ST7: variants seen among roughly 807,000 people sequenced by gnomAD.
The protein encoded by ST7 is suppressor of tumorigenicity 7 protein.
Under a neutral mutation model 78.7 loss-of-function variants are expected in ST7, and 28 were observed. The observed-to-expected ratio is 0.36, with a 90% confidence interval of 0.26 to 0.49. ST7 has a LOEUF of 0.49. Among genes scored for constraint, ST7 ranks in the 20% least tolerant of loss-of-function variants. The probability of loss-of-function intolerance (pLI) is 0.99; values close to 1 mark genes in which losing one functional copy is unlikely to be tolerated. For missense variants in ST7, 418 were observed against 696.0 expected (o/e 0.60, Z 4.49); for synonymous variants, 247 against 249.6 (o/e 0.99, Z 0.10).
chr7:117,044,566 G>T (rs1159611606), intron 1 of ST7, among the ~76,000 whole-genome samples: 2 of 152,042 alleles, frequency 1.3e-5, no homozygotes, highest in African/African-American at 4.8e-5. Context: ...GTCCAGGCTG[G>T]TCTCGAACTC....
chr7:117,180,235 T>C (rs940880011), intron 10 of ST7, among the ~76,000 whole-genome samples: 3 of 152,188 alleles, frequency 2.0e-5, no homozygotes, highest in African/African-American at 7.2e-5. Flanking sequence ...TCAGGACCTA[T>C]GTAGCCCATC....
chr7:117,067,313 G>A (rs1392116510), intron 1 of ST7, among the ~76,000 whole-genome samples: 1 of 151,882 alleles, frequency 6.6e-6, no homozygotes, highest in African/African-American at 2.4e-5. Context: ...TTGAAGAACT[G>A]CTGAACTGTT....
intron 1 of ST7, among the ~76,000 whole-genome samples, chr7:117,029,642 G>A (rs1222580227): frequency 1.3e-5 from 2 of 151,882 alleles, no homozygotes; most frequent in African/African-American, 4.8e-5. Flanking sequence ...TTATTGTCAC[G>A]AATATTTTTC....
intron 1 of ST7, among the ~76,000 whole-genome samples, chr7:117,030,057 A>G (rs892386075): frequency 1.5e-4 from 23 of 152,226 alleles, no homozygotes; most frequent in Admixed American, 6.5e-5. Context: ...ATTTCTAAAA[A>G]AAGACCTGGG....
intron 1 of ST7, among the ~76,000 whole-genome samples, chr7:117,099,073 A>AAAAAAAAAAAT (rs1563080257): frequency 6.7e-6 from 1 of 149,798 alleles, no homozygotes; most frequent in Non-Finnish European, 1.5e-5. Context: ...AAACAAAAAA[A>AAAAAAAAAAAT]AAAGAAGAAG....
At chr7:117,115,474 C>A (rs535083187) in intron 2 of ST7, among the ~76,000 whole-genome samples, 98 of 151,958 alleles carry the variant, frequency 6.4e-4, no homozygotes, top group Non-Finnish European at 1.2e-3. Flanking sequence ...GCTGCCTCAG[C>A]CACCCGAGTA....
Position 117,208,089 on chromosome 7 carries a change from TTTA to T in ST7, c.1255-1696_1255-1694del, listed in dbSNP as rs1329901334. Reference sequence around the variant, plus strand: ...ATCCACCATAATATAAATATAATTATTTATATTATGGCTGATATTCATTATAAA... The same window carrying T: ...ATCCACCATAATATAAATATAATTATTATTATGGCTGATATTCATTATAAA... On this transcript the variant is annotated intron_variant, in intron 12 of 15. Coordinates refer to ENST00000323984, the MANE Select transcript of ST7 (RefSeq NM_001369598.1). Among the ~76,000 whole-genome samples, 3 of 152,126 alleles carry T rather than the reference TTTA, an allele frequency of 2.0e-5. No homozygotes were observed. In the East Asian group the frequency reaches 5.8e-4, roughly 29 times the overall value.
At chr7:116,997,288 T>C (rs1012720545) in intron 1 of ST7, among the ~76,000 whole-genome samples, 1 of 152,218 alleles carries the variant, frequency 6.6e-6, no homozygotes, top group Non-Finnish European at 1.5e-5. Flanking sequence ...TTGCCACTGC[T>C]GGCTCGGGCA....
intron 1 of ST7, among the ~76,000 whole-genome samples, chr7:117,041,475 G>T (rs1797226281): frequency 6.6e-6 from 1 of 152,150 alleles, no homozygotes; most frequent in Non-Finnish European, 1.5e-5. Context: ...GCTACTGGGA[G>T]AAATTATTTG....
At chr7:116,961,103 G>T (rs570072095) in intron 1 of ST7, among the ~76,000 whole-genome samples, 2 of 152,222 alleles carry the variant, frequency 1.3e-5, no homozygotes, top group Admixed American at 1.3e-4. Context: ...CAGATTTGTC[G>T]AAGATCAGAT....
intron 1 of ST7, among the ~76,000 whole-genome samples, chr7:117,026,705 AGT>A: frequency 6.6e-6 from 1 of 152,316 alleles, no homozygotes; most frequent in Non-Finnish European, 1.5e-5. Flanking sequence ...CTAAGCTTAC[AGT>A]GTGACTTATC....
At chr7:117,108,337 T>G (rs2116864675) in intron 2 of ST7, among the ~76,000 whole-genome samples, 1 of 152,310 alleles carries the variant, frequency 6.6e-6, no homozygotes, top group East Asian at 1.9e-4. Flanking sequence ...CACCATTTGT[T>G]GAATAGGGTG....
chr7:117,120,770 A>G (rs1482420326), intron 3 of ST7, among the ~76,000 whole-genome samples: 1 of 152,158 alleles, frequency 6.6e-6, no homozygotes, highest in Non-Finnish European at 1.5e-5. Context: ...GTATGGCTTT[A>G]TTGTAGTATC....
At chr7:117,097,303 A>G (rs1168073161) in intron 1 of ST7, among the ~76,000 whole-genome samples, 1 of 151,718 alleles carries the variant, frequency 6.6e-6, no homozygotes, top group Non-Finnish European at 1.5e-5. Context: ...TAATTACAGA[A>G]TAACAAAATG....
chr7:117,097,896 A>T (rs1563078796), intron 1 of ST7, among the ~76,000 whole-genome samples: 1 of 24,278 alleles, frequency 4.1e-5, no homozygotes, highest in South Asian at 1.5e-3. Flanking sequence ...ATATATATAT[A>T]TATATATATA....
intron 1 of ST7, among the ~76,000 whole-genome samples, chr7:117,068,581 C>T (rs1798758752): frequency 6.6e-6 from 1 of 152,212 alleles, no homozygotes; most frequent in Non-Finnish European, 1.5e-5. Flanking sequence ...GTTCCTTACT[C>T]TATTAGAAAA....
At chr7:116,990,791 T>G (rs1230925543) in intron 1 of ST7, among the ~76,000 whole-genome samples, 4 of 152,190 alleles carry the variant, frequency 2.6e-5, no homozygotes, top group Non-Finnish European at 5.9e-5. Context: ...GCACTTACCA[T>G]TATCTGACAC....
intron 1 of ST7, among the ~76,000 whole-genome samples, chr7:117,018,016 A>T (rs575429491): frequency 2.0e-5 from 3 of 152,286 alleles, no homozygotes; most frequent in Admixed American, 1.3e-4. Context: ...GCCTGTGCCA[A>T]GAAGTAAATA....
At chr7:117,203,101 G>A (rs1054180731) in intron 12 of ST7, among the ~76,000 whole-genome samples, 1 of 152,162 alleles carries the variant, frequency 6.6e-6, no homozygotes, top group South Asian at 2.1e-4. Context: ...TCAAACCCAG[G>A]TTGCTCAAGA....
Sources: gnomAD v4.1 joint callset for allele counts (sites outside exome capture counted in the v4.1 genomes callset) on GRCh38, gnomAD v4.1.1 for gene constraint, MANE v1.5 for transcripts, NCBI Gene and HGNC (gene_info 2026-07-23, HGNC 2026-07-21) for gene names.